The following PDE6B variants were observed in gnomAD, a reference collection of about 807,000 sequenced individuals.
The protein encoded by PDE6B is phosphodiesterase 6B, also known as rod cGMP-specific 3',5'-cyclic phosphodiesterase subunit beta.
PDE6B carries 106 observed loss-of-function variants against 109.0 expected under a neutral mutation model. The ratio of observed to expected loss-of-function variants is 0.97; its 90% CI spans 0.83 to 1.14. PDE6B has a LOEUF of 1.14. Among genes scored for constraint, PDE6B ranks in the 50% most tolerant of loss-of-function variants. The pLI is 0.00. For synonymous variants in PDE6B, 490 were observed against 471.3 expected (o/e 1.04, Z -0.51); for missense variants, 1,193 against 1,155.6 (o/e 1.03, Z -0.47).
rs1738008922 is a variant in PDE6B at position 668,070 on chromosome 4, CAG to C, written c.2503+65_2503+66del. The C allele has an allele frequency of 3.4e-6, 5 of 1,476,176 alleles. No individual in the cohort carries two copies. The Admixed American group carries it at 5.1e-5, about 15-fold the overall frequency. 91.4% of individuals were successfully genotyped at this position (1,476,176 alleles called of 1,614,324 possible). A position where few individuals can be genotyped will look rare whatever the true frequency, so the allele number is the denominator to read the frequency against. On this transcript the variant is annotated intron_variant, in intron 21 of 21. Coordinates refer to ENST00000496514, the MANE Select transcript of PDE6B (RefSeq NM_000283.4). Reference sequence around the variant, plus strand: ...ACTCTCCCAAGGCAAAATGAAAAGACAGGGCACAGAGCAGAGTTAAAATGGAG... The same window carrying C: ...ACTCTCCCAAGGCAAAATGAAAAGACGGCACAGAGCAGAGTTAAAATGGAG...
intron 6 of PDE6B, chr4:655,237 C>T: frequency 2.7e-6 from 1 of 369,638 alleles, no homozygotes; most frequent in South Asian, 2.5e-5. Context: ...CTGGCACCAC[C>T]AGCCCCACCC....
chr4:666,517 G>T lies in PDE6B; in HGVS notation c.2269-14G>T, dbSNP rs769796615. 17 of 1,600,694 alleles carry T rather than the reference G, an allele frequency of 1.1e-5. No homozygotes were observed. Among genetic ancestry groups the T allele is most frequent in the South Asian group, 6.6e-5 (6 of 90,828 alleles). On this transcript the variant is annotated splice_polypyrimidine_tract_variant and intron_variant, in intron 19 of 21. Transcript: ENST00000496514. The surrounding 1 kb of genome is among the most constrained non-coding windows in gnomAD (Gnocchi z 5.6). The stretch of plus-strand genomic sequence containing the variant: ...CCTGGTCACTGTTCTCCCGCCCTCT[G>T]TTCCTCCCACCAGCCTATGATGGAC...
Position 665,334 on chromosome 4 carries a change from G to A in PDE6B, c.2268+5G>A. 6.2e-7 allele frequency: 1 copy of A among 1,601,886 alleles called. No individual in the cohort carries two copies. The highest frequency in any genetic ancestry group is 8.5e-7 in the Non-Finnish European group (1 of 1,169,718). ...GTCTTGGATCAGCAGCCCATTGTGA[G>A]TGCTGCTTCTGGAACCTTCCACTCC... On this transcript the variant is annotated splice_donor_5th_base_variant and intron_variant, in intron 19 of 21. Coordinates refer to ENST00000496514, the MANE Select transcript of PDE6B (RefSeq NM_000283.4). This position sits in a 1 kb window ranked among gnomAD's most constrained non-coding sequence, Gnocchi z 4.0.
Position 662,258 on chromosome 4 carries a change from A to G in PDE6B, c.1722+17A>G. On this transcript the variant is annotated intron_variant, in intron 13 of 21. Coordinates refer to ENST00000496514, the MANE Select transcript of PDE6B (RefSeq NM_000283.4). This position sits in a 1 kb window ranked among gnomAD's most constrained non-coding sequence, Gnocchi z 4.3. ...CTGCTCATGGTACGTGGCTGCCAGAATCACCAGGGTTGTGCAGGCCCTCCT... is the reference window on the plus strand; with the variant it reads ...CTGCTCATGGTACGTGGCTGCCAGAGTCACCAGGGTTGTGCAGGCCCTCCT... 1.4e-6 allele frequency: 2 copies of G among 1,434,086 alleles called. No individual in the cohort carries two copies. The highest frequency in any genetic ancestry group is 1.9e-6 in the Non-Finnish European group (2 of 1,038,532). The allele number at this position is 1,434,086 out of a possible 1,614,324, so 88.8% of individuals were successfully genotyped here. A position where few individuals can be genotyped will look rare whatever the true frequency, so the allele number is the denominator to read the frequency against.
chr4:644,531 T>C lies in PDE6B; in HGVS notation c.711+8562T>C, dbSNP rs572417830. On this transcript the variant is annotated intron_variant, in intron 3 of 21. Transcript: ENST00000496514. ...TTCGAATAACAGTGTTTTTGTTTTT[T>C]TTATTTTTATTTTTTTGAGACAGAT... 5.3e-5 allele frequency among the ~76,000 whole-genome samples: 8 copies of C among 152,020 alleles called. No individual in the cohort carries two copies. In the East Asian group the frequency reaches 1.2e-3, roughly 22 times the overall value.
In PDE6B at chr4:626,411, G is replaced by A. The variant is rs1232133995; in HGVS notation, c.468+317G>A. On this transcript the variant is annotated intron_variant, in intron 1 of 21. Transcript: ENST00000496514. This position sits in a 1 kb window ranked among gnomAD's most constrained non-coding sequence, Gnocchi z 4.6. ...CCTGATTCTGCATCCACATCCCATGGTGGGGACCATGTAGTCCCTGTGAGG... is the reference window on the plus strand; with the variant it reads ...CCTGATTCTGCATCCACATCCCATGATGGGGACCATGTAGTCCCTGTGAGG... 1.3e-5 allele frequency among the ~76,000 whole-genome samples: 2 copies of A among 152,210 alleles called. No homozygotes were observed.
intron 5 of PDE6B, 191 bp from the exon 6 acceptor site, chr4:654,633 G>T: frequency 1.5e-6 from 1 of 669,722 alleles, no homozygotes. Context: ...ACATGGGTGT[G>T]AGTGCACCCG....
chr4:663,012 A>G lies in PDE6B; in HGVS notation c.1833-88A>G, dbSNP rs57751269. 3.5e-3 allele frequency: 2,781 copies of G among 806,014 alleles called. 56 individuals carry two copies. Among genetic ancestry groups the G allele is most frequent in the East Asian group, 0.033 (1,339 of 40,794 alleles). 49.9% of individuals were successfully genotyped at this position (806,014 alleles called of 1,614,324 possible). A position where few individuals can be genotyped will look rare whatever the true frequency, so the allele number is the denominator to read the frequency against. On this transcript the variant is annotated intron_variant, in intron 14 of 21. Transcript: ENST00000496514. This position sits in a 1 kb window ranked among gnomAD's most constrained non-coding sequence, Gnocchi z 4.0. Reference sequence around the variant, plus strand: ...AGGCAGACCCTGTCTCAAAAAAAAGAAAGTGGGGCCCATCTGGGGGGGCTG... The same window carrying G: ...AGGCAGACCCTGTCTCAAAAAAAAGGAAGTGGGGCCCATCTGGGGGGGCTG...
intron 2 of PDE6B, 59 bp downstream of exon 2, chr4:634,888 CGCCT>C (rs1734573756): frequency 1.2e-5 from 17 of 1,467,874 alleles, no homozygotes; most frequent in Non-Finnish European, 1.6e-5. Flanking sequence ...CCTGCCCGCC[CGCCT>C]GTTCTGTGCT....
intron 3 of PDE6B, among the ~76,000 whole-genome samples, chr4:647,088 CTT>C (rs1408629159): frequency 6.6e-6 from 1 of 151,958 alleles, no homozygotes; most frequent in East Asian, 1.9e-4. Flanking sequence ...GAACTCCTGA[CTT>C]CAGTTGAACT....
rs866896609 is a variant in PDE6B, at chr4:665,750, C to T, written c.2268+421C>T. On this transcript the variant is annotated intron_variant, in intron 19 of 21. Transcript: ENST00000496514. The surrounding 1 kb of genome is among the most constrained non-coding windows in gnomAD (Gnocchi z 4.0). ...AGGGTCCTCAGGTCAGCAGCGGGGT[C>T]TGGATACCTCCTGGCAGCAGGAGAG... Among the ~76,000 whole-genome samples the T allele has an allele frequency of 6.6e-6, 1 of 152,208 alleles. No homozygotes were observed. Among genetic ancestry groups the T allele is most frequent in the South Asian group, 2.1e-4 (1 of 4,828 alleles).
At position 656,925 on chromosome 4, in the gene PDE6B, C is replaced by T; in HGVS notation, c.1159C>T (p.Pro387Ser). Residue 387 changes from proline to serine, a missense_variant, in exon 9 of 22, where the codon CCC (proline) becomes TCC (serine). Pro to Ser is a moderately conservative substitution (Grantham distance 74). Coordinates refer to ENST00000496514, the MANE Select transcript of PDE6B (RefSeq NM_000283.4). ...GWLIKNVLSM[P>S]IVNKKEEIVG... ...GCTCATCAAGAATGTGCTGTCCATG[C>T]CCATCGTCAACAAGAAGGAGGAGAT... The T allele has an allele frequency of 6.2e-7, 1 of 1,612,770 alleles. No individual in the cohort carries two copies. Among genetic ancestry groups the T allele is most frequent in the Non-Finnish European group, 8.5e-7 (1 of 1,179,652 alleles).
chr4:654,817 T>TTCTCAGGAAATTGTCTTCTGCG lies in PDE6B; in HGVS notation c.940_941insGCGTCTCAGGAAATTGTCTTCT. 1 of 1,493,822 alleles carries TTCTCAGGAAATTGTCTTCTGCG rather than the reference T, an allele frequency of 6.7e-7. No individual in the cohort carries two copies. The highest frequency in any genetic ancestry group is 9.3e-7 in the Non-Finnish European group (1 of 1,070,186). The allele number at this position is 1,493,822 out of a possible 1,614,324, so 92.5% of individuals were successfully genotyped here. ...CAGCCCCCCGACCAGTGTCTTCTGC[T>TTCTCAGGAAATTGTCTTCTGCG]TCTCAGGAAATTGTCTTCTACAAAG... On this transcript the variant is annotated splice_region_variant and splice_polypyrimidine_tract_variant and intron_variant, in intron 5 of 21. Transcript: ENST00000496514.
At chr4:656,611 G>A (rs550973353) in intron 8 of PDE6B, among the ~76,000 whole-genome samples, 3 of 151,972 alleles carry the variant, frequency 2.0e-5, no homozygotes, top group Admixed American at 1.3e-4. Context: ...CGTGACCGCC[G>A]CCCCACACAC....
At chr4:649,579 C>T (rs889457734) in intron 3 of PDE6B, among the ~76,000 whole-genome samples, 2 of 152,148 alleles carry the variant, frequency 1.3e-5, no homozygotes, top group African/African-American at 4.8e-5. Flanking sequence ...TGACCACAGC[C>T]TGGGAAGACT....
intron 8 of PDE6B, 38 bp from the exon 9 acceptor site, chr4:656,836 C>T: frequency 6.2e-7 from 1 of 1,610,232 alleles, no homozygotes; most frequent in Non-Finnish European, 8.5e-7. Flanking sequence ...CAGGGCCAGC[C>T]TCAGGGCGGA....
intron 11 of PDE6B, among the ~76,000 whole-genome samples, chr4:659,648 G>A (rs1736818178): frequency 1.3e-5 from 2 of 151,416 alleles, no homozygotes; most frequent in South Asian, 4.2e-4. Flanking sequence ...ACATGTGTGT[G>A]CACATGTGTG....
chr4:663,268 G>GCAGGGT lies in PDE6B; in HGVS notation c.1920+82_1920+87dup. 2 of 849,860 alleles carry GCAGGGT rather than the reference G, an allele frequency of 2.4e-6. No homozygotes were observed. The highest frequency in any genetic ancestry group is 4.1e-6 in the Non-Finnish European group (2 of 485,788). 52.6% of individuals were successfully genotyped at this position (849,860 alleles called of 1,614,324 possible). On this transcript the variant is annotated intron_variant, in intron 15 of 21. Coordinates refer to ENST00000496514, the MANE Select transcript of PDE6B (RefSeq NM_000283.4). This position sits in a 1 kb window ranked among gnomAD's most constrained non-coding sequence, Gnocchi z 4.0. ...GGACGGCAGGGCCGTATCCTGCGGAGCAGGGTTCTGATGCAGCGGGTGAGC... is the reference window on the plus strand; with the variant it reads ...GGACGGCAGGGCCGTATCCTGCGGAGCAGGGTCAGGGTTCTGATGCAGCGGGTGAGC...
At chr4:630,429 G>A (rs181897186) in intron 1 of PDE6B, among the ~76,000 whole-genome samples, 1 of 152,282 alleles carries the variant, frequency 6.6e-6, no homozygotes, top group Admixed American at 6.5e-5. Context: ...GTGACCAGAC[G>A]CTGGGGAAAG....
Sources: allele counts gnomAD v4.1 joint callset (sites outside exome capture counted in the v4.1 genomes callset), GRCh38; gene constraint gnomAD v4.1.1; non-coding constraint Gnocchi (gnomAD v3.1); transcripts MANE v1.5; gene names NCBI Gene and HGNC (gene_info 2026-07-23, HGNC 2026-07-21).